Variants in KIAA1549L observed in about 807,000 individuals in gnomAD.
The protein encoded by KIAA1549L is UPF0606 protein KIAA1549L.
In KIAA1549L, 88 loss-of-function variants were observed where a neutral mutation model predicts 160.7. The observed-to-expected ratio is 0.55, with a 90% confidence interval of 0.46 to 0.65. The LOEUF (loss-of-function observed/expected upper bound fraction) is 0.65. Among genes scored for constraint, KIAA1549L ranks in the 30% least tolerant of loss-of-function variants. KIAA1549L has a pLI of 0.00. For missense variants in KIAA1549L, 2,258 were observed against 2,437.5 expected, an observed-to-expected ratio of 0.93 and a Z score of 1.55; for synonymous variants, 950 against 976.7, an observed-to-expected ratio of 0.97 and a Z score of 0.51.
At chr11:33,572,545 C>T (rs1004811297) in intron 9 of KIAA1549L, among the ~76,000 whole-genome samples, 27 of 152,236 alleles carry the variant, frequency 1.8e-4, no homozygotes, top group African/African-American at 6.3e-4. Context: ...TCATATAAAT[C>T]GAATCCTACA....
At position 33,435,802 on chromosome 11, in the gene KIAA1549L, A is replaced by ATATG. The variant is rs1565135923; in HGVS notation, c.238+58916_238+58917insGTAT. 5.5e-4 allele frequency among the ~76,000 whole-genome samples: 9 copies of ATATG among 16,478 alleles called. 2 individuals carry two copies. The highest frequency in any genetic ancestry group is 3.5e-3 in the African/African-American group (9 of 2,542). 10.8% of individuals were successfully genotyped at this position (16,478 alleles called of 152,430 possible). On this transcript the variant is annotated intron_variant, in intron 1 of 20. Transcript: ENST00000658780. ...TATATATATATATATATATATATATATATATATATGTGTGTGTATATATAT... is the reference window on the plus strand; with the variant it reads ...TATATATATATATATATATATATATATATGTATATATATGTGTGTGTATATATAT...
intron 17 of KIAA1549L, among the ~76,000 whole-genome samples, chr11:33,650,092 CAG>C (rs1272169752): frequency 6.6e-6 from 1 of 152,126 alleles, no homozygotes; most frequent in Non-Finnish European, 1.5e-5. Flanking sequence ...TCACTGTTGA[CAG>C]AGCATGGTCC....
intron 1 of KIAA1549L, among the ~76,000 whole-genome samples, chr11:33,498,245 G>A (rs1852864892): frequency 1.3e-5 from 2 of 152,098 alleles, no homozygotes; most frequent in Admixed American, 6.5e-5. Flanking sequence ...CCACCCATGG[G>A]GCTTGTCCCG....
At chr11:33,408,949 CAA>C (rs763850676) in intron 1 of KIAA1549L, among the ~76,000 whole-genome samples, 1,629 of 66,768 alleles carry the variant, frequency 0.024, 13 homozygotes, top group Non-Finnish European at 0.033. Flanking sequence ...GACTCCATCT[CAA>C]AAAAAAAAAA....
Position 33,429,338 on chromosome 11 carries a change from G to T in KIAA1549L, c.238+52449G>T, listed in dbSNP as rs1021543414. Reference sequence around the variant, plus strand: ...ACCATTTGTATATCTTCAGAGAAATGTCTATTCACATTTCTGCCCATTTAA... The same window carrying T: ...ACCATTTGTATATCTTCAGAGAAATTTCTATTCACATTTCTGCCCATTTAA... On this transcript the variant is annotated intron_variant, in intron 1 of 20. Coordinates refer to ENST00000658780, the MANE Select transcript of KIAA1549L (RefSeq NM_012194.3). Among the ~76,000 whole-genome samples, 5 of 152,326 alleles carry T rather than the reference G, an allele frequency of 3.3e-5. No homozygotes were observed. In the South Asian group the frequency reaches 8.3e-4, roughly 25 times the overall value.
chr11:33,479,396 A>T (rs546516168), intron 1 of KIAA1549L, among the ~76,000 whole-genome samples: 1 of 152,212 alleles, frequency 6.6e-6, no homozygotes, highest in East Asian at 1.9e-4. Flanking sequence ...CGAGGGAGGG[A>T]ACTGGGGGAC....
chr11:33,604,105 TTATC>T (rs1850436436), intron 13 of KIAA1549L, among the ~76,000 whole-genome samples: 1 of 152,214 alleles, frequency 6.6e-6, no homozygotes, highest in Non-Finnish European at 1.5e-5. Flanking sequence ...GGTCTGTAAG[TTATC>T]TATTGCCATG....
At chr11:33,553,154 G>GC (rs1768816498) in intron 6 of KIAA1549L, among the ~76,000 whole-genome samples, 1 of 152,092 alleles carries the variant, frequency 6.6e-6, no homozygotes, top group Non-Finnish European at 1.5e-5. Flanking sequence ...CATTTAAACA[G>GC]CCCTTTTAAA....
At position 33,574,539 on chromosome 11, in the gene KIAA1549L, G is replaced by T. The variant is rs192188363; in HGVS notation, c.4231-163G>T. 2.0e-3 allele frequency among the ~76,000 whole-genome samples: 301 copies of T among 152,342 alleles called. 3 individuals are homozygous for T. Among genetic ancestry groups the T allele is most frequent in the African/African-American group, 7.0e-3 (290 of 41,568 alleles). On this transcript the variant is annotated intron_variant, in intron 9 of 20. Coordinates refer to ENST00000658780, the MANE Select transcript of KIAA1549L (RefSeq NM_012194.3). ...TCCTCCCAGTCTCCTGCTCCAGCGA[G>T]AGCAGGCTTCTTGAGAGGCTGGATA...
chr11:33,512,730 G>GT (rs1853256041), intron 1 of KIAA1549L, among the ~76,000 whole-genome samples: 2 of 152,086 alleles, frequency 1.3e-5, no homozygotes, highest in Non-Finnish European at 2.9e-5. Context: ...CCCTGCTCTA[G>GT]GTAATATTCG....
chr11:33,516,301 G>A (rs1253867498), intron 1 of KIAA1549L, among the ~76,000 whole-genome samples: 1 of 61,872 alleles, frequency 1.6e-5, no homozygotes, highest in Non-Finnish European at 2.8e-5. Flanking sequence ...ACAGGCGCCC[G>A]CCACTACGCC....
chr11:33,600,529 C>G (rs144894514), intron 13 of KIAA1549L, among the ~76,000 whole-genome samples: 1 of 151,680 alleles, frequency 6.6e-6, no homozygotes, highest in African/African-American at 2.4e-5. Context: ...CTCCCAGCTC[C>G]GCCTACTCCC....
chr11:33,587,464 C>T (rs149969778), intron 11 of KIAA1549L, among the ~76,000 whole-genome samples: 17 of 152,264 alleles, frequency 1.1e-4, no homozygotes, highest in African/African-American at 3.4e-4. Context: ...GTCACTGAAC[C>T]TCTCTGAGCT....
intron 1 of KIAA1549L, among the ~76,000 whole-genome samples, chr11:33,420,868 A>T (rs897500709): frequency 6.6e-6 from 1 of 151,956 alleles, no homozygotes; most frequent in African/African-American, 2.4e-5. Flanking sequence ...CAATCATCAC[A>T]TTTTTTCATT....
chr11:33,584,830 G>C (rs1350322015), intron 11 of KIAA1549L, among the ~76,000 whole-genome samples: 2 of 152,138 alleles, frequency 1.3e-5, no homozygotes, highest in Admixed American at 6.5e-5. Context: ...CCTGAGATTT[G>C]GCAGGTAGAA....
chr11:33,428,289 A>G (rs1262581687), intron 1 of KIAA1549L, among the ~76,000 whole-genome samples: 2 of 152,090 alleles, frequency 1.3e-5, no homozygotes, highest in Admixed American at 1.3e-4. Context: ...CTCTTTGTCA[A>G]CGTTTATAAT....
intron 1 of KIAA1549L, among the ~76,000 whole-genome samples, chr11:33,465,200 G>T (rs1207947782): frequency 2.0e-5 from 3 of 151,724 alleles, no homozygotes; most frequent in Non-Finnish European, 4.4e-5. Context: ...GGGATTGTAG[G>T]CTCACGCCAC....
At chr11:33,582,576 A>G (rs1336403170) in intron 10 of KIAA1549L, among the ~76,000 whole-genome samples, 2 of 152,226 alleles carry the variant, frequency 1.3e-5, no homozygotes, top group East Asian at 1.9e-4. Context: ...TCCTGTCTCA[A>G]GTAAATCATA....
rs765322817 is a variant in KIAA1549L at position 33,551,153 on chromosome 11, C to A, written c.3615C>A (p.Ser1205Arg). Reference protein sequence around the residue: ...VIEMLGVYGVSNVTADLKQHT... With the variant: ...VIEMLGVYGVRNVTADLKQHT... ...AAATGCTGGGTGTGTATGGAGTCAG[C>A]AACGTCACTGCAGACCTGAAGCAAC... The change falls in exon 5 of 21, where the codon AGC becomes AGA. Residue 1205 changes from serine (S) to arginine (R), a missense_variant. Ser to Arg is a moderately radical substitution (Grantham distance 110). Coordinates refer to ENST00000658780, the MANE Select transcript of KIAA1549L (RefSeq NM_012194.3). 10 of 1,613,936 alleles carry A rather than the reference C, an allele frequency of 6.2e-6. No homozygotes were observed. Among genetic ancestry groups the A allele is most frequent in the Non-Finnish European group, 8.5e-6 (10 of 1,179,860 alleles).
Sources: gnomAD v4.1 joint callset for allele counts (sites outside exome capture counted in the v4.1 genomes callset) on GRCh38, gnomAD v4.1.1 for gene constraint, MANE v1.5 for transcripts, NCBI Gene and HGNC (gene_info 2026-07-23, HGNC 2026-07-21) for gene names.